MGAT5: variants seen among roughly 807,000 people sequenced by gnomAD.
The protein encoded by MGAT5 is alpha-1,6-mannosylglycoprotein 6-beta-N-acetylglucosaminyltransferase.
A neutral mutation model predicts 94.3 loss-of-function variants in MGAT5; 30 were observed. The observed-to-expected ratio is 0.32, with a 90% CI of 0.24 to 0.43. The LOEUF (loss-of-function observed/expected upper bound fraction) is 0.43. Among genes scored for constraint, MGAT5 ranks in the 20% least tolerant of loss-of-function variants. The probability of loss-of-function intolerance (pLI) is 1.00; values close to 1 mark genes in which losing one functional copy is unlikely to be tolerated. For missense variants in MGAT5, 691 were observed against 905.5 expected, an observed-to-expected ratio of 0.76 and a Z score of 3.04; for synonymous variants, 310 against 322.9, an observed-to-expected ratio of 0.96 and a Z score of 0.43.
intron 13 of MGAT5, among the ~76,000 whole-genome samples, chr2:134,427,530 C>T (rs555416723): frequency 5.9e-5 from 9 of 152,320 alleles, no homozygotes; most frequent in East Asian, 1.9e-4. Flanking sequence ...AGCATAGAAA[C>T]CTCAAGGCTT....
intron 1 of MGAT5, among the ~76,000 whole-genome samples, chr2:134,239,928 G>A (rs1193874246): frequency 6.6e-6 from 1 of 152,092 alleles, no homozygotes; most frequent in Admixed American, 6.5e-5. Context: ...TCCTGGAAGT[G>A]GATGGTGAGC....
chr2:134,442,944 T>A (rs1187538818), intron 15 of MGAT5, among the ~76,000 whole-genome samples: 2 of 152,090 alleles, frequency 1.3e-5, no homozygotes, highest in Non-Finnish European at 2.9e-5. Flanking sequence ...AAGAGGATGT[T>A]TAGGAAGTGG....
At chr2:134,241,284 C>T (rs2105445768) in intron 1 of MGAT5, among the ~76,000 whole-genome samples, 1 of 152,362 alleles carries the variant, frequency 6.6e-6, no homozygotes. Context: ...TAATTCCCCA[C>T]TATGGTTTCT....
At chr2:134,403,891 A>G (rs964753709) in intron 11 of MGAT5, among the ~76,000 whole-genome samples, 7 of 152,190 alleles carry the variant, frequency 4.6e-5, no homozygotes, top group African/African-American at 1.7e-4. Context: ...CTTGAGGATC[A>G]TTTTGCTCAG....
At chr2:134,402,100 G>C (rs1683090006) in intron 10 of MGAT5, among the ~76,000 whole-genome samples, 1 of 152,004 alleles carries the variant, frequency 6.6e-6, no homozygotes, top group South Asian at 2.1e-4. Context: ...TATACAACTG[G>C]AAAACATTAC....
intron 4 of MGAT5, among the ~76,000 whole-genome samples, chr2:134,319,070 C>T (rs1866456): frequency 0.55 from 83,865 of 152,068 alleles, 26,323 homozygotes; most frequent in Non-Finnish European, 0.71. Context: ...CAACCATCAC[C>T]ACTGTCCCTC....
At chr2:134,158,994 A>G (rs77292712) in intron 1 of MGAT5, among the ~76,000 whole-genome samples, 4,466 of 152,316 alleles carry the variant, frequency 0.029, 329 homozygotes, top group East Asian at 0.28. Context: ...AAAAGAATGT[A>G]AACTATTTCA....
chr2:134,145,214 C>CTGTG (rs59065013), intron 1 of MGAT5, among the ~76,000 whole-genome samples: 111 of 143,866 alleles, frequency 7.7e-4, no homozygotes, highest in East Asian at 1.6e-3. Flanking sequence ...GTCTCTCTCT[C>CTGTG]TGTGTGTGTG....
At chr2:134,440,645 C>T (rs1685434483) in intron 14 of MGAT5, among the ~76,000 whole-genome samples, 1 of 152,178 alleles carries the variant, frequency 6.6e-6, no homozygotes, top group Admixed American at 6.5e-5. Flanking sequence ...AATTATTGTA[C>T]AATAAAACTT....
intron 4 of MGAT5, among the ~76,000 whole-genome samples, chr2:134,324,939 G>T (rs79562354): frequency 0.029 from 4,322 of 151,194 alleles, 210 homozygotes; most frequent in African/African-American, 0.098. Context: ...GCCTTTATTG[G>T]TATCTTTTTC....
intron 10 of MGAT5, among the ~76,000 whole-genome samples, chr2:134,396,061 T>C (rs1006050641): frequency 2.0e-5 from 3 of 152,228 alleles, no homozygotes. Flanking sequence ...ATTGTGCCAC[T>C]GCAATCATTG....
chr2:134,387,391 G>A (rs1682099328), intron 10 of MGAT5, among the ~76,000 whole-genome samples: 1 of 115,056 alleles, frequency 8.7e-6, no homozygotes. Context: ...ATAGAGTATT[G>A]GTTAAGAACT....
intron 1 of MGAT5, among the ~76,000 whole-genome samples, chr2:134,159,864 C>T (rs1273993086): frequency 6.6e-6 from 1 of 152,172 alleles, no homozygotes; most frequent in Non-Finnish European, 1.5e-5. Flanking sequence ...CCTCTTCTCT[C>T]CTTACTCCCT....
At chr2:134,244,913 C>T (rs570785571) in intron 1 of MGAT5, among the ~76,000 whole-genome samples, 4 of 152,258 alleles carry the variant, frequency 2.6e-5, no homozygotes, top group East Asian at 1.9e-4. Flanking sequence ...ATTATTCAGA[C>T]CCATATGTCA....
At chr2:134,262,931 A>G (rs569874829) in intron 1 of MGAT5, among the ~76,000 whole-genome samples, 1 of 152,278 alleles carries the variant, frequency 6.6e-6, no homozygotes, top group South Asian at 2.1e-4. Flanking sequence ...CACCCTACTA[A>G]ACTAGGAGAT....
chr2:134,189,602 G>GTTTTGTTTTGTTTCGT (rs1553490380), intron 1 of MGAT5, among the ~76,000 whole-genome samples: 1 of 84,672 alleles, frequency 1.2e-5, no homozygotes, highest in Admixed American at 1.3e-4. Flanking sequence ...GTTTTTTTTT[G>GTTTTGTTTTGTTTCGT]TTTTTTTTTT....
At chr2:134,402,706 T>TAG (rs1285474719) in intron 10 of MGAT5, among the ~76,000 whole-genome samples, 1 of 152,244 alleles carries the variant, frequency 6.6e-6, no homozygotes, top group Non-Finnish European at 1.5e-5. Context: ...ATAATGTATT[T>TAG]CCTCTTGCAA....
chr2:134,240,090 A>G (rs1013099379), intron 1 of MGAT5, among the ~76,000 whole-genome samples: 71 of 152,348 alleles, frequency 4.7e-4, no homozygotes, highest in African/African-American at 1.7e-3. Flanking sequence ...TCATGGATAC[A>G]TAAAGTGTAT....
intron 8 of MGAT5, among the ~76,000 whole-genome samples, chr2:134,347,002 G>A (rs929052440): frequency 8.5e-5 from 13 of 152,168 alleles, no homozygotes; most frequent in South Asian, 2.1e-4. Context: ...TGCTGCGATC[G>A]CTGTTACGGG....
Sources: gnomAD v4.1 joint callset for allele counts (sites outside exome capture counted in the v4.1 genomes callset) on GRCh38, gnomAD v4.1.1 for gene constraint, MANE v1.5 for transcripts, NCBI Gene and HGNC (gene_info 2026-07-23, HGNC 2026-07-21) for gene names.